The following MYO5A variants were observed in gnomAD, a reference collection of about 807,000 sequenced individuals.
MYO5A encodes the protein myosin VA, also known as unconventional myosin-Va.
In MYO5A, 98 loss-of-function variants were observed where a neutral mutation model predicts 249.7. The ratio of observed to expected loss-of-function variants is 0.39; its 90% CI spans 0.33 to 0.46. The LOEUF is 0.46. Ranked by LOEUF, MYO5A falls within the 20% of genes least tolerant of loss-of-function variation. The probability of loss-of-function intolerance (pLI) is 0.98; values close to 1 mark genes in which losing one functional copy is unlikely to be tolerated. For synonymous variants in MYO5A, 778 were observed against 810.6 expected, an observed-to-expected ratio of 0.96 and a Z score of 0.68; for missense variants, 1,696 against 2,308.8, an observed-to-expected ratio of 0.73 and a Z score of 5.44.
chr15:52,398,886 G>A (rs1197505587), intron 9 of MYO5A, among the ~76,000 whole-genome samples: 2 of 152,098 alleles, frequency 1.3e-5, no homozygotes, highest in African/African-American at 4.8e-5. Context: ...CTACTGGGGA[G>A]GCTGAGGCAA....
intron 1 of MYO5A, among the ~76,000 whole-genome samples, chr15:52,463,497 C>T (rs1595730820): frequency 6.6e-6 from 1 of 151,706 alleles, no homozygotes; most frequent in East Asian, 1.9e-4. Context: ...TTTCATTTTC[C>T]CTGTACTCAT....
chr15:52,453,053 A>G (rs1667701589), intron 1 of MYO5A, among the ~76,000 whole-genome samples: 5 of 152,174 alleles, frequency 3.3e-5, no homozygotes, highest in Admixed American at 3.3e-4. Flanking sequence ...TGAGAAACAT[A>G]TAAATATCCA....
Position 52,398,488 on chromosome 15 carries a change from G to A in MYO5A, c.1054-1022C>T, listed in dbSNP as rs374100310. On this transcript the variant is annotated intron_variant, in intron 9 of 41. Transcript: ENST00000399233. ...AGAACAAATAGCTTGTCAAAAATCA[G>A]CTGGCAATTGATGTCAGAGTTGGCA... Among the ~76,000 whole-genome samples, 7 of 152,250 alleles carry A rather than the reference G, an allele frequency of 4.6e-5. No homozygotes were observed. The East Asian group carries it at 7.7e-4, about 17-fold the overall frequency.
At chr15:52,388,490 C>T (rs1027529481) in intron 13 of MYO5A, among the ~76,000 whole-genome samples, 3 of 152,210 alleles carry the variant, frequency 2.0e-5, no homozygotes, top group Non-Finnish European at 4.4e-5. Context: ...GCTTGCATGA[C>T]AAAACCTTTA....
chr15:52,399,868 C>T (rs572336698), intron 9 of MYO5A, among the ~76,000 whole-genome samples: 1 of 152,172 alleles, frequency 6.6e-6, no homozygotes, highest in South Asian at 2.1e-4. Context: ...ACCATGTGCA[C>T]CCAACGTTTA....
rs778837214 is a variant in MYO5A, at chr15:52,323,455, G to C, written c.4711-11C>G. On this transcript the variant is annotated splice_polypyrimidine_tract_variant and intron_variant, in intron 36 of 41. Coordinates refer to ENST00000399233, the MANE Select transcript of MYO5A (RefSeq NM_001382347.1). ...ATCATCACCTCTTTTCTGAAAGAGA[G>C]AATAAGTCTAAACTTGCCTTTTCCT... 2.5e-6 allele frequency: 4 copies of C among 1,603,774 alleles called. No individual in the cohort carries two copies. The highest frequency in any genetic ancestry group is 3.3e-5 in the Admixed American group (2 of 59,978).
chr15:52,364,638 C>T lies in MYO5A; in HGVS notation c.3225G>A (p.Arg1075=), dbSNP rs778702778. 1.2e-6 allele frequency: 2 copies of T among 1,613,880 alleles called. No individual in the cohort carries two copies. Among genetic ancestry groups the T allele is most frequent in the Admixed American group, 1.7e-5 (1 of 60,016 alleles). ...KQLELDLNDE[R]LRYQNLLNEF... ...CATTCAGAAGGTTCTGATATCTCAG[C>T]CTTTCATCATTAAGGTCGAGTTCCA... The change falls in exon 24 of 42, where the codon AGG becomes AGA. Residue 1075 remains arginine (R), a synonymous_variant. Transcript: ENST00000399233.
chr15:52,471,689 T>C (rs1170175819), intron 1 of MYO5A, among the ~76,000 whole-genome samples: 1 of 151,910 alleles, frequency 6.6e-6, no homozygotes. Context: ...CTCAATGATT[T>C]TATTTTTGGG....
intron 26 of MYO5A, 33 bp from the exon 27 acceptor site, chr15:52,353,691 G>C (rs1402898032): frequency 6.2e-7 from 1 of 1,600,980 alleles, no homozygotes; most frequent in South Asian, 1.1e-5. Context: ...TATTTTAATT[G>C]TCACATTTTT....
intron 1 of MYO5A, among the ~76,000 whole-genome samples, chr15:52,494,562 G>C (rs778348275): frequency 1.3e-5 from 2 of 152,016 alleles, no homozygotes; most frequent in Non-Finnish European, 2.9e-5. Context: ...GCACCATCTC[G>C]GCTCACTGCA....
At chr15:52,462,309 T>C (rs571014199) in intron 1 of MYO5A, among the ~76,000 whole-genome samples, 106 of 151,872 alleles carry the variant, frequency 7.0e-4, no homozygotes, top group Non-Finnish European at 9.3e-4. Flanking sequence ...ATTTCTACTT[T>C]GTGGCATTAA....
In MYO5A at chr15:52,526,268, C is replaced by G. The variant is rs186823488; in HGVS notation, c.27+2512G>C. ...AGTCATGGCTCACTGCAGCCTCAAC[C>G]TCCCAGGCTCAAGCAATCTTCCTGC... On this transcript the variant is annotated intron_variant, in intron 1 of 41. Transcript: ENST00000399233. Among the ~76,000 whole-genome samples the G allele has an allele frequency of 4.5e-4, 68 of 152,322 alleles. 1 individual carries two copies. In the East Asian group the frequency reaches 7.1e-3, roughly 16 times the overall value.
Position 52,359,849 on chromosome 15 carries a change from A to C in MYO5A, c.3423+119T>G, listed in dbSNP as rs2040430078. The C allele has an allele frequency of 6.6e-6, 5 of 754,702 alleles. No individual in the cohort carries two copies. In the East Asian group the frequency reaches 1.4e-4, roughly 21 times the overall value. The allele number at this position is 754,702 out of a possible 1,614,324, so 46.8% of individuals were successfully genotyped here. ...ATCTACAAGTCACTTATGAAGAATA[A>C]ATGATTCAAACAAATACTATGTTTA... is the stretch of plus-strand genomic sequence containing the variant. On this transcript the variant is annotated intron_variant, in intron 25 of 41. Coordinates refer to ENST00000399233, the MANE Select transcript of MYO5A (RefSeq NM_001382347.1).
chr15:52,446,132 G>A (rs992375649), intron 1 of MYO5A, among the ~76,000 whole-genome samples: 12 of 152,178 alleles, frequency 7.9e-5, no homozygotes, highest in East Asian at 1.9e-4. Context: ...AAGGCATTTC[G>A]GAGACCTTCC....
chr15:52,414,979 A>G (rs1362211655), intron 5 of MYO5A, among the ~76,000 whole-genome samples: 1 of 152,152 alleles, frequency 6.6e-6, no homozygotes, highest in Non-Finnish European at 1.5e-5. Flanking sequence ...GAAGCCTCTG[A>G]ACTTCCCCAT....
At chr15:52,527,068 T>C (rs1724604) in intron 1 of MYO5A, among the ~76,000 whole-genome samples, 147,477 of 152,262 alleles carry the variant, frequency 0.97, 71,615 homozygotes, top group East Asian at 1. Flanking sequence ...AGAAAGTTTA[T>C]GAATTTGTGT....
intron 30 of MYO5A, among the ~76,000 whole-genome samples, chr15:52,343,809 T>A (rs1196173458): frequency 1.3e-5 from 2 of 152,246 alleles, no homozygotes; most frequent in Non-Finnish European, 2.9e-5. Flanking sequence ...AAAACTGCTA[T>A]ATTAGAGATG....
intron 22 of MYO5A, 46 bp from the exon 23 acceptor site, chr15:52,367,170 A>G (rs764793903): frequency 6.7e-7 from 1 of 1,499,396 alleles, no homozygotes; most frequent in Admixed American, 1.7e-5. Context: ...TGGACAGAGG[A>G]AGCCTGATGA....
chr15:52,383,204 C>A lies in MYO5A; in HGVS notation c.1915-16G>T. 2 of 1,583,572 alleles carry A rather than the reference C, an allele frequency of 1.3e-6. No homozygotes were observed. Among genetic ancestry groups the A allele is most frequent in the South Asian group, 1.1e-5 (1 of 90,430 alleles). ...AGTTTCTGAACTGCATGAAAAAGGG[C>A]AGAAGAGGGTATCAAGGCTTTGTCC... On this transcript the variant is annotated splice_polypyrimidine_tract_variant and intron_variant, in intron 15 of 41. Coordinates refer to ENST00000399233, the MANE Select transcript of MYO5A (RefSeq NM_001382347.1).
Sources: allele counts gnomAD v4.1 joint callset (sites outside exome capture counted in the v4.1 genomes callset), GRCh38; gene constraint gnomAD v4.1.1; transcripts MANE v1.5; gene names NCBI Gene and HGNC (gene_info 2026-07-23, HGNC 2026-07-21).